Variants in ZNF541 observed in about 807,000 individuals in gnomAD.
The protein encoded by ZNF541 is zinc finger protein 541.
In ZNF541, 23 loss-of-function variants were observed where a neutral mutation model predicts 123.5. That is an observed-to-expected ratio of 0.19 (90% CI 0.13 to 0.26). ZNF541 has a LOEUF of 0.26. ZNF541 is among the 10% of genes least tolerant of loss of function. The pLI is 1.00. For missense variants in ZNF541, 1,612 were observed against 1,789.9 expected (o/e 0.90, Z 1.79); for synonymous variants, 751 against 754.5 (o/e 1.00, Z 0.08).
chr19:47,538,400 T>C lies in ZNF541; in HGVS notation c.2836A>G (p.Ser946Gly). Residue 946 changes from serine (S) to glycine (G), a missense_variant, in exon 9 of 17, where the codon AGC (serine) becomes GGC (glycine). Ser to Gly is a moderately conservative substitution (Grantham distance 56). Coordinates refer to ENST00000391901, the MANE Select transcript of ZNF541 (RefSeq NM_001277075.3). ...TTCTTCCGCTTTCTCTGCTGGCTGC[T>C]CTCCTTGCTGTCTCGCTCCTCCCCG... ...KDGEERDSKESSQQRKRKKRP... is the reference protein window; with the variant it reads ...KDGEERDSKEGSQQRKRKKRP... 1 of 1,541,534 alleles carries C rather than the reference T, an allele frequency of 6.5e-7. No homozygotes were observed. Among genetic ancestry groups the C allele is most frequent in the Non-Finnish European group, 8.8e-7 (1 of 1,141,984 alleles).
chr19:47,525,850 A>C (rs1685262674), intron 14 of ZNF541, among the ~76,000 whole-genome samples: 1 of 143,890 alleles, frequency 6.9e-6, no homozygotes, highest in Admixed American at 7.2e-5. Context: ...TGGAAGGCGT[A>C]GCTTGCAGTG....
At chr19:47,573,181 GC>G (rs1971536812), upstream of ZNF541, among the ~76,000 whole-genome samples, 1 of 149,812 alleles carries the variant, frequency 6.7e-6, no homozygotes, top group Non-Finnish European at 1.5e-5. Flanking sequence ...CGCACGCGCA[GC>G]CCGGCCCACC....
At chr19:47,561,665 C>T (rs958510316) in intron 2 of ZNF541, among the ~76,000 whole-genome samples, 2 of 151,760 alleles carry the variant, frequency 1.3e-5, no homozygotes, top group Non-Finnish European at 2.9e-5. Context: ...AGTGTGGAAG[C>T]AGTGCCCCGC....
chr19:47,535,519 C>A (rs1039244484), intron 9 of ZNF541, among the ~76,000 whole-genome samples: 8 of 152,140 alleles, frequency 5.3e-5, no homozygotes, highest in African/African-American at 1.9e-4. Flanking sequence ...AGTGGCCCAG[C>A]CATTTTGGAA....
At chr19:47,535,725 T>C (rs571425705) in intron 9 of ZNF541, among the ~76,000 whole-genome samples, 119 of 151,676 alleles carry the variant, frequency 7.8e-4, no homozygotes, top group Middle Eastern at 6.8e-3. Flanking sequence ...CACCCCAGAG[T>C]TGTTTTTTTT....
rs566156663 is a variant in ZNF541, at chr19:47,545,523, C to T, written c.1006G>A (p.Glu336Lys). 3 of 1,513,532 alleles carry T rather than the reference C, an allele frequency of 2.0e-6. No homozygotes were observed. The highest frequency in any genetic ancestry group is 2.2e-5 in the Admixed American group (1 of 45,848). The allele number at this position is 1,513,532 out of a possible 1,614,324, so 93.8% of individuals were successfully genotyped here. A position where few individuals can be genotyped will look rare whatever the true frequency, so the allele number is the denominator to read the frequency against. The stretch of plus-strand genomic sequence containing the variant: ...TCTTTCTGTGGGAGGCAAGGCTCCT[C>T]GGGAAGCTCGGTGTCCAGCGCTGCT... ...APAALDTELP[E>K]EPCLPQKEPA... Residue 336 changes from glutamate to lysine, a missense_variant, in exon 5 of 17, where the codon GAG (glutamate) becomes AAG (lysine). By Grantham distance (56) the Glu-to-Lys change is moderately conservative. Transcript: ENST00000391901. The surrounding 1 kb of genome is among the most constrained non-coding windows in gnomAD (Gnocchi z 7.5).
rs191560729 is a variant in ZNF541 at position 47,523,288 on chromosome 19, A to G, written c.3571-1294T>C. ...TGTGATCTACCTGCCTCAGCCTCCT[A>G]AAGTGCTGGCATTACAGGCGTGAGC... On this transcript the variant is annotated intron_variant, in intron 14 of 16. Transcript: ENST00000391901. Among the ~76,000 whole-genome samples the G allele has an allele frequency of 3.5e-3, 516 of 148,510 alleles. 7 individuals carry two copies. Among genetic ancestry groups the G allele is most frequent in the African/African-American group, 0.012 (466 of 39,288 alleles).
At chr19:47,571,086 G>A (rs527467131) in intron 2 of ZNF541, among the ~76,000 whole-genome samples, 4 of 152,132 alleles carry the variant, frequency 2.6e-5, no homozygotes, top group East Asian at 1.9e-4. Flanking sequence ...AGTGGTGGCC[G>A]GCAGGCATAT....
chr19:47,521,730 G>C lies in ZNF541; in HGVS notation c.3712-76C>G. 3 of 1,523,466 alleles carry C rather than the reference G, an allele frequency of 2.0e-6. No homozygotes were observed. The highest frequency in any genetic ancestry group is 2.7e-6 in the Non-Finnish European group (3 of 1,130,140). The allele number at this position is 1,523,466 out of a possible 1,614,324, so 94.4% of individuals were successfully genotyped here. A position where few individuals can be genotyped will look rare whatever the true frequency, so the allele number is the denominator to read the frequency against. On this transcript the variant is annotated intron_variant, in intron 15 of 16. Transcript: ENST00000391901. The surrounding 1 kb of genome is among the most constrained non-coding windows in gnomAD (Gnocchi z 4.2). ...GAGAGACACAGAGCTGGGGGCATAC[G>C]TGTCTCCTGCAGGAAAACCCTTCCA...
chr19:47,524,733 A>G (rs911989865), intron 14 of ZNF541, among the ~76,000 whole-genome samples: 2 of 151,088 alleles, frequency 1.3e-5, no homozygotes, highest in Admixed American at 1.3e-4. Context: ...AAAGAGTTAT[A>G]CCAGAGCTAG....
chr19:47,565,416 T>G (rs1568523917), intron 2 of ZNF541, among the ~76,000 whole-genome samples: 1 of 152,190 alleles, frequency 6.6e-6, no homozygotes, highest in African/African-American at 2.4e-5. Context: ...CTGGGTGTGT[T>G]TATGATTGCA....
In ZNF541 at chr19:47,550,294, GAGGA is replaced by G. The variant is rs926927643; in HGVS notation, c.308-813_308-810del. ...GAAAGAAAGACAGGAAGGAAGGAAGGAGGAAGGAAGGAAGGAAAGAGAGAGAGAA... is the reference window on the plus strand; with the variant it reads ...GAAAGAAAGACAGGAAGGAAGGAAGGAGGAAGGAAGGAAAGAGAGAGAGAA... On this transcript the variant is annotated intron_variant, in intron 3 of 16. Coordinates refer to ENST00000391901, the MANE Select transcript of ZNF541 (RefSeq NM_001277075.3). Among the ~76,000 whole-genome samples, 6 of 148,790 alleles carry G rather than the reference GAGGA, an allele frequency of 4.0e-5. No individual in the cohort carries two copies. The South Asian group carries it at 8.7e-4, about 22-fold the overall frequency.
At chr19:47,564,752 A>AT (rs1971197027) in intron 2 of ZNF541, among the ~76,000 whole-genome samples, 1 of 152,236 alleles carries the variant, frequency 6.6e-6, no homozygotes, top group Non-Finnish European at 1.5e-5. Context: ...CAGTGTGGAC[A>AT]TTCCTTAAAG....
At chr19:47,572,738 G>A (rs2123464250) in intron 1 of ZNF541, among the ~76,000 whole-genome samples, 1 of 151,916 alleles carries the variant, frequency 6.6e-6, no homozygotes, top group South Asian at 2.1e-4. Flanking sequence ...CGCGAGCTGG[G>A]GGGCTGCGAG....
At chr19:47,550,323 AAGAGAG>A (rs533814025) in intron 3 of ZNF541, among the ~76,000 whole-genome samples, 1 of 149,436 alleles carries the variant, frequency 6.7e-6, no homozygotes, top group Non-Finnish European at 1.5e-5. Context: ...GAGAGAGAGA[AAGAGAG>A]AGAGAGAAAG....
At position 47,551,679 on chromosome 19, in the gene ZNF541, C is replaced by T. The variant is rs141995688; in HGVS notation, c.308-2194G>A. ...TCAGCCTATTGAGTAGCACGGGCCA[C>T]CACCACCCCAGCTGATTTTTAAATT... On this transcript the variant is annotated intron_variant, in intron 3 of 16. Transcript: ENST00000391901. Among the ~76,000 whole-genome samples the T allele has an allele frequency of 1.9e-3, 282 of 151,592 alleles. 1 individual carries two copies. Among genetic ancestry groups the T allele is most frequent in the South Asian group, 8.6e-3 (41 of 4,794 alleles).
chr19:47,544,152 T>C lies in ZNF541; in HGVS notation c.2377A>G (p.Lys793Glu), dbSNP rs2049338111. 8 of 1,550,462 alleles carry C rather than the reference T, an allele frequency of 5.2e-6. No individual in the cohort carries two copies. Among genetic ancestry groups the C allele is most frequent in the Admixed American group, 2.0e-5 (1 of 50,902 alleles). Reference sequence around the variant, plus strand: ...TGGATTCTGCTGAATATTGTCAGCTTGGACTTGGAGGGATCTGCCGGGGGC... The same window carrying C: ...TGGATTCTGCTGAATATTGTCAGCTCGGACTTGGAGGGATCTGCCGGGGGC... ...AGPPADPSKS[K>E]LTIFSRIQGG... is the part of the protein sequence containing the mutation. The change falls in exon 5 of 17, where the codon AAG becomes GAG. Residue 793 changes from lysine to glutamate, a missense_variant. By Grantham distance (56) the Lys-to-Glu change is moderately conservative. Transcript: ENST00000391901.
At chr19:47,550,735 G>A (rs990722531) in intron 3 of ZNF541, among the ~76,000 whole-genome samples, 1 of 152,256 alleles carries the variant, frequency 6.6e-6, no homozygotes, top group South Asian at 2.1e-4. Context: ...CAGTCTCTAA[G>A]TCCTGGGCTC....
chr19:47,558,714 G>A (rs962478967), intron 2 of ZNF541, among the ~76,000 whole-genome samples: 100 of 149,636 alleles, frequency 6.7e-4, no homozygotes, highest in Non-Finnish European at 2.7e-4. Context: ...TGTCTCAGCC[G>A]GATTACAGGT....
Sources: allele counts gnomAD v4.1 joint callset (sites outside exome capture counted in the v4.1 genomes callset), GRCh38; gene constraint gnomAD v4.1.1; non-coding constraint Gnocchi (gnomAD v3.1); transcripts MANE v1.5; gene names NCBI Gene and HGNC (gene_info 2026-07-23, HGNC 2026-07-21).